The following KAZN variants were observed in gnomAD, a reference collection of about 807,000 sequenced individuals.
KAZN encodes kazrin.
KAZN carries 40 observed loss-of-function variants against 87.4 expected under a neutral mutation model. That is an observed-to-expected ratio of 0.46 (90% CI 0.36 to 0.60). The LOEUF (loss-of-function observed/expected upper bound fraction) is 0.60, where lower values mean the gene tolerates loss of function less well. KAZN is among the 20% of genes least tolerant of loss of function. The pLI is 0.00. For missense variants in KAZN, 898 were observed against 1,073.9 expected, an observed-to-expected ratio of 0.84 and a Z score of 2.29; for synonymous variants, 466 against 458.3, an observed-to-expected ratio of 1.02 and a Z score of -0.22.
chr1:14,960,742 G>A lies in KAZN; in HGVS notation c.285G>A (p.Met95Ile), dbSNP rs541434912. 77 of 1,595,604 alleles carry A rather than the reference G, an allele frequency of 4.8e-5. No homozygotes were observed. The highest frequency in any genetic ancestry group is 6.5e-5 in the Non-Finnish European group (76 of 1,170,700). ...AGGAAGTTCACCTTCTCCGGCAGAT[G>A]AAGGAGATGTTGGCGAAGGACCTGG... ...LQEEVHLLRQ[M>I]KEMLAKDLEE... is the part of the protein sequence containing the mutation. Residue 95 changes from methionine to isoleucine, a missense_variant, in exon 2 of 15, where the codon ATG becomes ATA. Around this residue, in one of 3 missense-constraint regions of KAZN, gnomAD observed 250 missense variants for 263.0 expected, o/e 0.95. Coordinates refer to ENST00000376030, the MANE Select transcript of KAZN (RefSeq NM_201628.3).
chr1:14,683,858 C>T (rs1441572650), intron 1 of KAZN, among the ~76,000 whole-genome samples: 2 of 152,202 alleles, frequency 1.3e-5, no homozygotes, highest in Admixed American at 6.5e-5. Context: ...TTTGGATCCT[C>T]GGCATCTAGC....
At chr1:14,485,778 G>A (rs1363065377) in intron 2 of KAZN, among the ~76,000 whole-genome samples, 3 of 151,506 alleles carry the variant, frequency 2.0e-5, no homozygotes, top group East Asian at 1.9e-4. Flanking sequence ...CTGTAGTCCC[G>A]GCTACTTAGG....
At chr1:14,610,301 G>A (rs987674760) in intron 1 of KAZN, among the ~76,000 whole-genome samples, 4 of 152,064 alleles carry the variant, frequency 2.6e-5, no homozygotes, top group Admixed American at 6.5e-5. Flanking sequence ...TCCGCCTCCC[G>A]GGTTCACACC....
chr1:14,205,905 A>AAAAAAC (rs1557559797), intron 2 of KAZN, among the ~76,000 whole-genome samples: 1 of 49,438 alleles, frequency 2.0e-5, no homozygotes. Flanking sequence ...AAAAAAAAAA[A>AAAAAAC]AGCTACCTAA....
At chr1:14,064,418 G>C (rs570933430) in intron 1 of KAZN, among the ~76,000 whole-genome samples, 1 of 152,284 alleles carries the variant, frequency 6.6e-6, no homozygotes, top group East Asian at 1.9e-4. Context: ...TGACCAGTCC[G>C]ACACCAACCC....
intron 1 of KAZN, among the ~76,000 whole-genome samples, chr1:13,938,267 G>A (rs1640814267): frequency 1.3e-5 from 2 of 151,968 alleles, no homozygotes; most frequent in Non-Finnish European, 1.5e-5. Flanking sequence ...TGTATTCTAG[G>A]CACTTTCTTT....
intron 1 of KAZN, among the ~76,000 whole-genome samples, chr1:14,713,759 C>T (rs1268307707): frequency 2.6e-5 from 3 of 114,292 alleles, no homozygotes; most frequent in Admixed American, 2.4e-4. Flanking sequence ...CACAACAAAA[C>T]GAGACCTCAT....
intron 2 of KAZN, among the ~76,000 whole-genome samples, chr1:14,426,000 G>T (rs1450585790): frequency 6.6e-6 from 1 of 152,216 alleles, no homozygotes; most frequent in East Asian, 1.9e-4. Context: ...TAAATTGACA[G>T]TCTCTGTTCT....
At chr1:14,036,277 G>C (rs771269893) in intron 1 of KAZN, among the ~76,000 whole-genome samples, 50 of 152,160 alleles carry the variant, frequency 3.3e-4, no homozygotes, top group Admixed American at 7.2e-4. Flanking sequence ...GGCTGGGATG[G>C]GTAAGACCTT....
chr1:14,875,687 T>C lies in KAZN; in HGVS notation c.227-84997T>C, dbSNP rs182158308. On this transcript the variant is annotated intron_variant, in intron 1 of 14. Coordinates refer to ENST00000376030, the MANE Select transcript of KAZN (RefSeq NM_201628.3). ...ATGTTATAAGCCTCATACTGGTGGCTTAAAATTGATGATGAGAGTACGTAC... is the reference window on the plus strand; with the variant it reads ...ATGTTATAAGCCTCATACTGGTGGCCTAAAATTGATGATGAGAGTACGTAC... Among the ~76,000 whole-genome samples, 26 of 152,226 alleles carry C rather than the reference T, an allele frequency of 1.7e-4. No individual in the cohort carries two copies. The East Asian group carries it at 4.5e-3, about 26-fold the overall frequency.
At chr1:14,011,748 G>A (rs1640323309) in intron 1 of KAZN, among the ~76,000 whole-genome samples, 1 of 152,118 alleles carries the variant, frequency 6.6e-6, no homozygotes, top group East Asian at 1.9e-4. Context: ...TGTAATCAGC[G>A]ATAAGGAACT....
intron 13 of KAZN, among the ~76,000 whole-genome samples, chr1:15,107,278 G>A (rs908466509): frequency 6.6e-6 from 1 of 152,184 alleles, no homozygotes; most frequent in African/African-American, 2.4e-5. Flanking sequence ...GGATGGTGTG[G>A]AGTTCCAGCC....
At chr1:13,999,905 A>T (rs1174838181) in intron 1 of KAZN, among the ~76,000 whole-genome samples, 1 of 152,240 alleles carries the variant, frequency 6.6e-6, no homozygotes, top group Admixed American at 6.5e-5. Flanking sequence ...AGCATCAGAG[A>T]ATACTATAAA....
At chr1:13,997,162 C>A (rs1476348947) in intron 1 of KAZN, among the ~76,000 whole-genome samples, 1 of 140,892 alleles carries the variant, frequency 7.1e-6, no homozygotes, top group Non-Finnish European at 1.6e-5. Context: ...ACAGCAAAAA[C>A]AACACCATCA....
At chr1:13,937,895 T>C (rs1339022210) in intron 1 of KAZN, among the ~76,000 whole-genome samples, 3 of 152,220 alleles carry the variant, frequency 2.0e-5, no homozygotes, top group Non-Finnish European at 4.4e-5. Flanking sequence ...TTTCTATTTT[T>C]ATGCCAGTAC....
At position 14,893,532 on chromosome 1, in the gene KAZN, C is replaced by A. The variant is rs954612503; in HGVS notation, c.227-67152C>A. On this transcript the variant is annotated intron_variant, in intron 1 of 14. Coordinates refer to ENST00000376030, the MANE Select transcript of KAZN (RefSeq NM_201628.3). ...GTGAGAGGAAGAGCGCTCGCTGAGA[C>A]CCCCATCTTCCCTTCCTCCACACCC... 1.4e-4 allele frequency among the ~76,000 whole-genome samples: 21 copies of A among 151,722 alleles called. No individual in the cohort carries two copies. The East Asian group carries it at 3.5e-3, about 25-fold the overall frequency.
chr1:14,219,204 G>A (rs1201138677), intron 2 of KAZN, among the ~76,000 whole-genome samples: 1 of 152,050 alleles, frequency 6.6e-6, no homozygotes, highest in Non-Finnish European at 1.5e-5. Flanking sequence ...TGTATAATCA[G>A]GTGATAAAAC....
chr1:14,175,125 A>G (rs567817246), intron 1 of KAZN, among the ~76,000 whole-genome samples: 1 of 152,178 alleles, frequency 6.6e-6, no homozygotes, highest in Non-Finnish European at 1.5e-5. Context: ...TGTTTTTGAA[A>G]TGGAATCTCA....
At chr1:14,268,471 T>TAA (rs70997129) in intron 2 of KAZN, among the ~76,000 whole-genome samples, 8,453 of 140,582 alleles carry the variant, frequency 0.06, 333 homozygotes, top group Middle Eastern at 0.1. Flanking sequence ...GACACTGTGT[T>TAA]AAAAAAAAAA....
Sources: allele counts gnomAD v4.1 joint callset (sites outside exome capture counted in the v4.1 genomes callset), GRCh38; gene constraint gnomAD v4.1.1; regional missense constraint gnomAD v4.1.1; transcripts MANE v1.5; gene names NCBI Gene and HGNC (gene_info 2026-07-23, HGNC 2026-07-21).